Variants in CTNNA3 observed in about 807,000 individuals in gnomAD.
CTNNA3 encodes catenin alpha-3.
A neutral mutation model predicts 95.7 loss-of-function variants in CTNNA3; 76 were observed. The ratio of observed to expected loss-of-function variants is 0.79; its 90% CI spans 0.66 to 0.96. The LOEUF is 0.96. Ranked by LOEUF, CTNNA3 falls within the 40% of genes least tolerant of loss-of-function variation. The pLI is 0.00. For synonymous variants in CTNNA3, 431 were observed against 374.4 expected (o/e 1.15, Z -1.74); for missense variants, 1,191 against 1,089.8 (o/e 1.09, Z -1.31).
At chr10:66,202,017 C>T (rs923056676) in intron 13 of CTNNA3, among the ~76,000 whole-genome samples, 2 of 151,938 alleles carry the variant, frequency 1.3e-5, no homozygotes, top group African/African-American at 4.8e-5. Flanking sequence ...GAACTCCTGA[C>T]CTCAGGTGAT....
chr10:67,228,373 G>T (rs1398682269), intron 5 of CTNNA3, among the ~76,000 whole-genome samples: 1 of 152,150 alleles, frequency 6.6e-6, no homozygotes, highest in Non-Finnish European at 1.5e-5. Flanking sequence ...CCAGCACTTT[G>T]GGAGACTGAG....
intron 7 of CTNNA3, among the ~76,000 whole-genome samples, chr10:66,979,674 G>A (rs915201823): frequency 6.6e-6 from 1 of 152,118 alleles, no homozygotes; most frequent in Non-Finnish European, 1.5e-5. Context: ...GGGATGAATA[G>A]GATTATATAG....
intron 5 of CTNNA3, among the ~76,000 whole-genome samples, chr10:67,328,235 G>A (rs758595585): frequency 6.6e-6 from 1 of 152,202 alleles, no homozygotes; most frequent in Non-Finnish European, 1.5e-5. Context: ...GGGCCATCCT[G>A]CTGGAGCTCT....
intron 13 of CTNNA3, among the ~76,000 whole-genome samples, chr10:66,183,511 C>T (rs1039767392): frequency 2.5e-4 from 38 of 152,314 alleles, no homozygotes; most frequent in African/African-American, 9.1e-4. Flanking sequence ...TCAATTTCCA[C>T]TTTTTAAGTG....
intron 8 of CTNNA3, among the ~76,000 whole-genome samples, chr10:66,767,540 G>C (rs187283849): frequency 1.3e-5 from 2 of 151,388 alleles, no homozygotes; most frequent in Admixed American, 6.6e-5. Context: ...TTTGAGTCAA[G>C]ACCTTCATAT....
At chr10:66,593,970 A>G (rs1843631216) in intron 10 of CTNNA3, among the ~76,000 whole-genome samples, 2 of 152,202 alleles carry the variant, frequency 1.3e-5, no homozygotes, top group Middle Eastern at 6.8e-3. Flanking sequence ...TTTAAATATC[A>G]AAATGTTAAC....
intron 7 of CTNNA3, among the ~76,000 whole-genome samples, chr10:66,977,854 T>G (rs1015621858): frequency 2.6e-5 from 4 of 152,180 alleles, no homozygotes; most frequent in Non-Finnish European, 4.4e-5. Context: ...TATGTCTGGA[T>G]CACTTGTGCT....
At chr10:66,961,590 A>C (rs1430565465) in intron 7 of CTNNA3, among the ~76,000 whole-genome samples, 1 of 151,738 alleles carries the variant, frequency 6.6e-6, no homozygotes, top group Admixed American at 6.6e-5. Context: ...GTGTAAATTT[A>C]CTCCTTTAGT....
At chr10:67,059,968 G>A (rs753592997) in intron 7 of CTNNA3, among the ~76,000 whole-genome samples, 2 of 152,088 alleles carry the variant, frequency 1.3e-5, no homozygotes, top group Non-Finnish European at 2.9e-5. Context: ...TGTTGAGGGA[G>A]ATAAAATTAG....
intron 5 of CTNNA3, among the ~76,000 whole-genome samples, chr10:67,329,403 T>C (rs1307190074): frequency 1.3e-5 from 2 of 152,134 alleles, no homozygotes; most frequent in Non-Finnish European, 2.9e-5. Flanking sequence ...CAAATGGTAA[T>C]AAATAGTAAC....
intron 3 of CTNNA3, among the ~76,000 whole-genome samples, chr10:67,569,265 T>C (rs1349321794): frequency 6.6e-6 from 1 of 152,144 alleles, no homozygotes; most frequent in Non-Finnish European, 1.5e-5. Context: ...CATTATGAGG[T>C]GTGCGGATGA....
intron 5 of CTNNA3, among the ~76,000 whole-genome samples, chr10:67,359,371 C>G (rs941593895): frequency 6.6e-6 from 1 of 151,896 alleles, no homozygotes; most frequent in African/African-American, 2.4e-5. Context: ...ACCTACCCAG[C>G]AATACACCCT....
chr10:66,801,444 A>T (rs1194265878), intron 7 of CTNNA3, among the ~76,000 whole-genome samples: 2 of 151,596 alleles, frequency 1.3e-5, no homozygotes, highest in Non-Finnish European at 1.5e-5. Flanking sequence ...GTCAACATTA[A>T]ATTATATTTT....
intron 3 of CTNNA3, among the ~76,000 whole-genome samples, chr10:67,542,176 A>AT (rs965644629): frequency 2.0e-5 from 3 of 152,034 alleles, no homozygotes; most frequent in Non-Finnish European, 4.4e-5. Context: ...CTTATCCCTA[A>AT]TTTCCCCAAT....
At chr10:67,407,954 A>G (rs1453651615) in intron 5 of CTNNA3, among the ~76,000 whole-genome samples, 3 of 152,104 alleles carry the variant, frequency 2.0e-5, no homozygotes, top group Non-Finnish European at 4.4e-5. Flanking sequence ...ACAACAGGCA[A>G]GTAGAGAAAC....
intron 10 of CTNNA3, among the ~76,000 whole-genome samples, chr10:66,578,614 C>T (rs892316421): frequency 6.6e-6 from 1 of 151,758 alleles, no homozygotes; most frequent in South Asian, 2.1e-4. Context: ...TATGGTGAAT[C>T]ACATGTATTG....
intron 10 of CTNNA3, among the ~76,000 whole-genome samples, chr10:66,571,252 T>C (rs931311765): frequency 6.6e-6 from 1 of 152,206 alleles, no homozygotes; most frequent in Non-Finnish European, 1.5e-5. Context: ...TAGTCATATG[T>C]GTAGGTGTAT....
At chr10:67,628,826 T>A (rs1839043925) in intron 2 of CTNNA3, among the ~76,000 whole-genome samples, 2 of 152,106 alleles carry the variant, frequency 1.3e-5, no homozygotes, top group African/African-American at 4.8e-5. Flanking sequence ...CCATTTTAAG[T>A]CCCATTGTCC....
At chr10:66,836,512 C>G (rs1295289654) in intron 7 of CTNNA3, among the ~76,000 whole-genome samples, 1 of 152,098 alleles carries the variant, frequency 6.6e-6, no homozygotes, top group Non-Finnish European at 1.5e-5. Context: ...AGCAGACTGT[C>G]CACTAGAAAA....
Sources: allele counts gnomAD v4.1 joint callset (sites outside exome capture counted in the v4.1 genomes callset), GRCh38; gene constraint gnomAD v4.1.1; transcripts MANE v1.5; gene names NCBI Gene and HGNC (gene_info 2026-07-23, HGNC 2026-07-21).